RIMS2: variants seen among roughly 807,000 people sequenced by gnomAD.
RIMS2 encodes the protein regulating synaptic membrane exocytosis protein 2.
RIMS2 carries 59 observed loss-of-function variants against 174.4 expected under a neutral mutation model. The ratio of observed to expected loss-of-function variants is 0.34; its 90% CI spans 0.27 to 0.42. RIMS2 has a LOEUF of 0.42. Among genes scored for constraint, RIMS2 ranks in the 10% least tolerant of loss-of-function variants. The pLI is 1.00. For missense variants in RIMS2, 1,620 were observed against 1,666.3 expected, an observed-to-expected ratio of 0.97 and a Z score of 0.48; for synonymous variants, 606 against 572.5, an observed-to-expected ratio of 1.06 and a Z score of -0.84.
rs1385245554 is a variant in RIMS2 at position 104,020,369 on chromosome 8, A to G, written c.3334+5754A>G. On this transcript the variant is annotated intron_variant, in intron 19 of 23. Coordinates refer to ENST00000504942, the Ensembl canonical transcript of RIMS2. ...AAAATGAAGTTTATGGTGTCTTTCT[A>G]GATATTAGACACTCCATACTGACAT... Among the ~76,000 whole-genome samples the G allele has an allele frequency of 2.6e-5, 4 of 152,062 alleles. No individual in the cohort carries two copies. The East Asian group carries it at 7.7e-4, about 29-fold the overall frequency.
chr8:103,674,920 A>G (rs909754522), intron 1 of RIMS2, among the ~76,000 whole-genome samples: 4 of 152,206 alleles, frequency 2.6e-5, no homozygotes, highest in African/African-American at 7.2e-5. Context: ...TAATGTTTCA[A>G]TATTTTAATT....
At chr8:103,507,207 G>A (rs1389429771) in intron 1 of RIMS2, among the ~76,000 whole-genome samples, 6 of 151,844 alleles carry the variant, frequency 4.0e-5, no homozygotes, top group Non-Finnish European at 8.8e-5. Context: ...CTTCAAATTT[G>A]GATCTTTAGA....
At chr8:104,090,527 A>G (rs750846894) in intron 19 of RIMS2, among the ~76,000 whole-genome samples, 8 of 151,760 alleles carry the variant, frequency 5.3e-5, no homozygotes, top group Non-Finnish European at 1.2e-4. Flanking sequence ...CAATCAGGAA[A>G]GCTGGGATAC....
chr8:104,047,518 G>A (rs1486210583), intron 19 of RIMS2, among the ~76,000 whole-genome samples: 3 of 152,004 alleles, frequency 2.0e-5, no homozygotes, highest in African/African-American at 7.2e-5. Flanking sequence ...TGTAAAATGG[G>A]AATAATTATA....
chr8:104,022,442 GCA>G (rs1480976387), intron 19 of RIMS2, among the ~76,000 whole-genome samples: 1 of 151,916 alleles, frequency 6.6e-6, no homozygotes, highest in East Asian at 1.9e-4. Flanking sequence ...GTGCAGTGGC[GCA>G]CAGTCTCAGC....
At chr8:103,921,423 A>G (rs558300010) in intron 9 of RIMS2, among the ~76,000 whole-genome samples, 1 of 152,280 alleles carries the variant, frequency 6.6e-6, no homozygotes, top group South Asian at 2.1e-4. Flanking sequence ...CCTGAGGTAG[A>G]GGTCTGTCTC....
At chr8:104,036,627 C>T (rs2096524126) in intron 19 of RIMS2, among the ~76,000 whole-genome samples, 1 of 151,704 alleles carries the variant, frequency 6.6e-6, no homozygotes, top group Non-Finnish European at 1.5e-5. Context: ...ACCTGTAATC[C>T]CAGCACTTTA....
At chr8:103,973,913 A>G (rs1470385020) in intron 15 of RIMS2, among the ~76,000 whole-genome samples, 3 of 152,108 alleles carry the variant, frequency 2.0e-5, no homozygotes, top group Non-Finnish European at 4.4e-5. Flanking sequence ...CTCTCTCTGG[A>G]GAATTGCCTG....
chr8:104,049,613 A>T (rs1195732372), intron 19 of RIMS2, among the ~76,000 whole-genome samples: 1 of 152,134 alleles, frequency 6.6e-6, no homozygotes, highest in Non-Finnish European at 1.5e-5. Context: ...CAGTTTCATC[A>T]TTGTTAAAAA....
At chr8:103,859,215 A>G (rs976887732) in intron 3 of RIMS2, among the ~76,000 whole-genome samples, 2 of 152,140 alleles carry the variant, frequency 1.3e-5, no homozygotes, top group African/African-American at 4.8e-5. Context: ...GAAACTGACA[A>G]TTACCTTCAG....
chr8:103,803,235 T>C (rs2098627379), intron 3 of RIMS2, among the ~76,000 whole-genome samples: 1 of 152,164 alleles, frequency 6.6e-6, no homozygotes, highest in African/African-American at 2.4e-5. Flanking sequence ...AATAACTGAA[T>C]AACTTGAATA....
At chr8:104,210,444 CTGTT>C (rs1175993110) in intron 19 of RIMS2, among the ~76,000 whole-genome samples, 2 of 152,084 alleles carry the variant, frequency 1.3e-5, no homozygotes, top group African/African-American at 2.4e-5. Flanking sequence ...ATTTCACTGG[CTGTT>C]TGTTTGGAAG....
intron 17 of RIMS2, among the ~76,000 whole-genome samples, chr8:103,991,502 A>T (rs1367759043): frequency 6.6e-6 from 1 of 151,960 alleles, no homozygotes; most frequent in Admixed American, 6.6e-5. Flanking sequence ...TTTGGTAATA[A>T]AATGCATATG....
Position 103,696,143 on chromosome 8 carries a change from ATTTTTC to A in RIMS2, c.177-932_177-927del, listed in dbSNP as rs2097098286. Among the ~76,000 whole-genome samples, 3 of 151,432 alleles carry A rather than the reference ATTTTTC, an allele frequency of 2.0e-5. No homozygotes were observed. In the South Asian group the frequency reaches 6.2e-4, roughly 31 times the overall value. The stretch of plus-strand genomic sequence containing the variant: ...CACTGTTGTTTTATATTCCCCACCT[ATTTTTC>A]TTTTTCTTTTAGTTTGGATAATTTT... On this transcript the variant is annotated intron_variant, in intron 1 of 23. Coordinates refer to ENST00000504942, the Ensembl canonical transcript of RIMS2.
intron 1 of RIMS2, among the ~76,000 whole-genome samples, chr8:103,636,360 G>T (rs2096073694): frequency 6.6e-6 from 1 of 152,158 alleles, no homozygotes; most frequent in African/African-American, 2.4e-5. Context: ...TCACTCTGGG[G>T]TGTCTATGCA....
At chr8:104,165,839 A>T (rs1000503084) in intron 19 of RIMS2, among the ~76,000 whole-genome samples, 2 of 152,134 alleles carry the variant, frequency 1.3e-5, no homozygotes, top group Non-Finnish European at 2.9e-5. Context: ...TATCCATTCA[A>T]TTATGATTAA....
chr8:103,694,432 C>G (rs1353272811), intron 1 of RIMS2, among the ~76,000 whole-genome samples: 2 of 151,916 alleles, frequency 1.3e-5, no homozygotes, highest in Non-Finnish European at 2.9e-5. Flanking sequence ...GGGCTTTAGG[C>G]ACTTGTGCTG....
At chr8:103,916,722 G>C (rs1420794629) in intron 8 of RIMS2, among the ~76,000 whole-genome samples, 185 bp downstream of exon 11, 1 of 152,036 alleles carries the variant, frequency 6.6e-6, no homozygotes, top group Non-Finnish European at 1.5e-5. Context: ...TGATCATATA[G>C]ATGGTAGAAT....
intron 16 of RIMS2, among the ~76,000 whole-genome samples, chr8:103,986,333 A>G (rs2094360615): frequency 6.6e-6 from 1 of 152,162 alleles, no homozygotes; most frequent in African/African-American, 2.4e-5. Context: ...AAGATTAGGG[A>G]AAAATCAGTG....
Sources: gnomAD v4.1 joint callset for allele counts (sites outside exome capture counted in the v4.1 genomes callset) on GRCh38, gnomAD v4.1.1 for gene constraint, MANE v1.5 for transcripts, NCBI Gene and HGNC (gene_info 2026-07-23, HGNC 2026-07-21) for gene names.